Variants in RYR2 observed in about 807,000 individuals in gnomAD.
RYR2 encodes ryanodine receptor 2, also known as cardiac muscle ryanodine receptor-calcium release channel.
A neutral mutation model predicts 601.1 loss-of-function variants in RYR2; 227 were observed. The ratio of observed to expected loss-of-function variants is 0.38; its 90% confidence interval spans 0.34 to 0.42. The LOEUF is 0.42. RYR2 is among the 10% of genes least tolerant of loss of function. RYR2 has a pLI of 1.00. For synonymous variants in RYR2, 2,223 were observed against 2,175.1 expected (o/e 1.02, Z -0.61); for missense variants, 4,646 against 6,156.5 (o/e 0.75, Z 8.21).
intron 24 of RYR2, among the ~76,000 whole-genome samples, chr1:237,520,862 C>G (rs1667017744): frequency 6.6e-6 from 1 of 151,962 alleles, no homozygotes; most frequent in Non-Finnish European, 1.5e-5. Context: ...ATGGTGAAAC[C>G]CCAACTTTAT....
chr1:237,054,724 CT>C (rs1400102517), intron 1 of RYR2, among the ~76,000 whole-genome samples: 2 of 152,052 alleles, frequency 1.3e-5, no homozygotes, highest in Non-Finnish European at 2.9e-5. Flanking sequence ...TTCATTTTGT[CT>C]TTGTTTGAGT....
At chr1:237,645,212 A>G (rs1682001704) in intron 48 of RYR2, among the ~76,000 whole-genome samples, 1 of 152,184 alleles carries the variant, frequency 6.6e-6, no homozygotes, top group Admixed American at 6.5e-5. Flanking sequence ...ATGAGAAAGT[A>G]AAGCTTCATG....
intron 25 of RYR2, among the ~76,000 whole-genome samples, chr1:237,541,639 C>T (rs760591786): frequency 5.9e-5 from 9 of 152,078 alleles, no homozygotes; most frequent in Non-Finnish European, 1.0e-4. Context: ...AGCTTTTAAT[C>T]ACCTGGGTGC....
At position 237,791,511 on chromosome 1, in the gene RYR2, A is replaced by T. The variant is rs1188457108; in HGVS notation, c.13559A>T (p.Tyr4520Phe). ...GCTATCAATTTCATCTTGCTCTTTT[A>T]TAAGGTACGTACATCTCACTGTTTT... is the stretch of plus-strand genomic sequence containing the variant. ...AFAINFILLFYKVSTSSVVEG... is the reference protein window; with the variant it reads ...AFAINFILLFFKVSTSSVVEG... The change falls in exon 93 of 105, where the codon TAT becomes TTT. Residue 4520 changes from tyrosine (Y) to phenylalanine (F), a missense_variant. This residue lies in a region of RYR2 where 364 missense variants were observed against 442.9 expected (regional missense o/e 0.82). Coordinates refer to ENST00000366574, the MANE Select transcript of RYR2 (RefSeq NM_001035.3). 6.8e-7 allele frequency: 1 copy of T among 1,472,500 alleles called. No homozygotes were observed. Among genetic ancestry groups the T allele is most frequent in the East Asian group, 2.3e-5 (1 of 42,820 alleles). 91.2% of individuals were successfully genotyped at this position (1,472,500 alleles called of 1,614,324 possible). A position where few individuals can be genotyped will look rare whatever the true frequency, so the allele number is the denominator to read the frequency against.
In RYR2 at chr1:237,537,642, A is replaced by G. The variant is rs182891322; in HGVS notation, c.2906+7132A>G. On this transcript the variant is annotated intron_variant, in intron 25 of 104. Transcript: ENST00000366574. ...AATATAGTTTTTATAGATTCATCTAATGGCATACTATAGAGCAGTTAAAAT... is the reference window on the plus strand; with the variant it reads ...AATATAGTTTTTATAGATTCATCTAGTGGCATACTATAGAGCAGTTAAAAT... Among the ~76,000 whole-genome samples the G allele has an allele frequency of 1.1e-3, 168 of 152,230 alleles. 1 individual carries two copies. Among genetic ancestry groups the G allele is most frequent in the African/African-American group, 3.8e-3 (156 of 41,554 alleles).
chr1:237,579,884 G>A (rs10754613), intron 29 of RYR2, among the ~76,000 whole-genome samples: 45,362 of 151,844 alleles, frequency 0.3, 7,248 homozygotes, highest in East Asian at 0.61. Flanking sequence ...TCAGTGTAAG[G>A]AAAGCAAAAC....
At chr1:237,577,464 AG>A (rs1291480786) in intron 29 of RYR2, among the ~76,000 whole-genome samples, 2 of 151,700 alleles carry the variant, frequency 1.3e-5, no homozygotes, top group Non-Finnish European at 2.9e-5. Context: ...TGTCATCACA[AG>A]GATCCTTATA....
intron 34 of RYR2, among the ~76,000 whole-genome samples, chr1:237,600,919 A>G (rs577335881): frequency 2.0e-5 from 3 of 152,328 alleles, no homozygotes; most frequent in East Asian, 3.9e-4. Context: ...AATGGCTATT[A>G]TCAAAAAGAC....
At chr1:237,398,466 CAA>C (rs2149913114) in intron 10 of RYR2, among the ~76,000 whole-genome samples, 1 of 152,224 alleles carries the variant, frequency 6.6e-6, no homozygotes, top group African/African-American at 2.4e-5. Context: ...AGCTATTTGT[CAA>C]AGATGACATA....
At chr1:237,274,763 G>A (rs1041032539) in intron 2 of RYR2, among the ~76,000 whole-genome samples, 7 of 152,044 alleles carry the variant, frequency 4.6e-5, no homozygotes, top group Admixed American at 2.0e-4. Context: ...TAGGTGTACC[G>A]TTTTTTACCT....
chr1:237,484,226 C>A (rs951301117), intron 17 of RYR2, among the ~76,000 whole-genome samples: 1 of 152,226 alleles, frequency 6.6e-6, no homozygotes, highest in African/African-American at 2.4e-5. Context: ...TCTCCCAGAG[C>A]AGAATCACAC....
rs541551715 is a variant in RYR2, at chr1:237,814,973, T to C, written c.14434-4063T>C. Among the ~76,000 whole-genome samples, 54 of 133,246 alleles carry C rather than the reference T, an allele frequency of 4.1e-4. No homozygotes were observed. In the East Asian group the frequency reaches 7.1e-3, roughly 18 times the overall value. 87.4% of individuals were successfully genotyped at this position (133,246 alleles called of 152,430 possible). ...CTCCTTTTTTCTTTTTTCTTTTTTTTTTTTTTTTTTTGCCAAGATGAAGGC... is the reference window on the plus strand; with the variant it reads ...CTCCTTTTTTCTTTTTTCTTTTTTTCTTTTTTTTTTTGCCAAGATGAAGGC... On this transcript the variant is annotated intron_variant, in intron 100 of 104. Transcript: ENST00000366574.
At chr1:237,213,670 A>T (rs1682832389) in intron 1 of RYR2, among the ~76,000 whole-genome samples, 1 of 152,106 alleles carries the variant, frequency 6.6e-6, no homozygotes, top group Non-Finnish European at 1.5e-5. Context: ...TGCTTTTCTT[A>T]GTTTGTAATT....
chr1:237,058,904 C>T (rs1345649958), intron 1 of RYR2, among the ~76,000 whole-genome samples: 1 of 152,084 alleles, frequency 6.6e-6, no homozygotes, highest in African/African-American at 2.4e-5. Flanking sequence ...AAAAACCTGC[C>T]ATATCTACTG....
chr1:237,665,641 T>C (rs1282290015), intron 56 of RYR2, among the ~76,000 whole-genome samples: 1 of 152,106 alleles, frequency 6.6e-6, no homozygotes, highest in African/African-American at 2.4e-5. Context: ...TTGAACAGTG[T>C]CCTCATGGTG....
intron 2 of RYR2, among the ~76,000 whole-genome samples, chr1:237,280,270 A>G (rs755938143): frequency 1.3e-5 from 2 of 152,210 alleles, no homozygotes; most frequent in Non-Finnish European, 2.9e-5. Context: ...GATTCACTTC[A>G]TATATAGTTT....
intron 14 of RYR2, among the ~76,000 whole-genome samples, chr1:237,450,032 A>G (rs1195296540): frequency 1.3e-5 from 2 of 152,044 alleles, no homozygotes; most frequent in Non-Finnish European, 2.9e-5. Context: ...CACTATTGAG[A>G]CAAGACCCTC....
intron 1 of RYR2, among the ~76,000 whole-genome samples, chr1:237,169,023 C>A (rs535233936): frequency 1.6e-4 from 24 of 152,102 alleles, no homozygotes; most frequent in Non-Finnish European, 3.1e-4. Flanking sequence ...TTGCTTTCAT[C>A]TTTAGATCTT....
At chr1:237,655,788 T>C in intron 52 of RYR2, 33 bp from the exon 53 acceptor site, 2 of 1,549,240 alleles carry the variant, frequency 1.3e-6, no homozygotes, top group Non-Finnish European at 1.7e-6. Context: ...TGCCATATAG[T>C]AATTTTTTTT....
Sources: allele counts gnomAD v4.1 joint callset (sites outside exome capture counted in the v4.1 genomes callset), GRCh38; gene constraint gnomAD v4.1.1; regional missense constraint gnomAD v4.1.1; transcripts MANE v1.5; gene names NCBI Gene and HGNC (gene_info 2026-07-23, HGNC 2026-07-21).